The following ABTB3 variants were observed in gnomAD, a reference collection of about 807,000 sequenced individuals.
ABTB3 encodes ankyrin repeat- and BTB/POZ domain-containing protein 3.
At chr12:107,596,138 G>C in the ABTB3 span, among the ~76,000 whole-genome samples, 10,568 of 152,234 alleles carry the variant, frequency 0.069, 510 homozygotes, top group Middle Eastern at 0.11. Context: ...AATTAATGAA[G>C]ATTTCTTAAA....
chr12:107,356,034 A>G, the ABTB3 span, among the ~76,000 whole-genome samples: 7 of 152,236 alleles, frequency 4.6e-5, no homozygotes, highest in Admixed American at 2.6e-4. Flanking sequence ...AGAGGGTTTG[A>G]TGTGCTAGTT....
chr12:107,568,396 C>T, the ABTB3 span, among the ~76,000 whole-genome samples: 11 of 152,178 alleles, frequency 7.2e-5, no homozygotes, highest in Admixed American at 3.3e-4. Flanking sequence ...ATCCAGGTTG[C>T]GTAATATCTA....
chr12:107,378,852 T>C, the ABTB3 span, among the ~76,000 whole-genome samples: 1 of 152,088 alleles, frequency 6.6e-6, no homozygotes, highest in Admixed American at 6.6e-5. Context: ...AGCATTGGGG[T>C]TCCCTAAGAG....
the ABTB3 span, among the ~76,000 whole-genome samples, chr12:107,483,018 T>G: frequency 1.4e-5 from 2 of 147,750 alleles, no homozygotes; most frequent in Non-Finnish European, 3.0e-5. Flanking sequence ...CTTTCCTTCT[T>G]TCCTTCTTTC....
At chr12:107,340,705 T>C in the ABTB3 span, among the ~76,000 whole-genome samples, 1 of 151,160 alleles carries the variant, frequency 6.6e-6, no homozygotes, top group African/African-American at 2.4e-5. Context: ...TTAGAGAGAA[T>C]AAAAAAATAA....
the ABTB3 span, chr12:107,658,685 G>A: frequency 6.6e-5 from 10 of 152,538 alleles, no homozygotes; most frequent in Non-Finnish European, 1.2e-4. Context: ...TCTTTTCCTA[G>A]TTACGGATGA....
At chr12:107,591,708 C>T in the ABTB3 span, among the ~76,000 whole-genome samples, 1 of 152,198 alleles carries the variant, frequency 6.6e-6, no homozygotes, top group South Asian at 2.1e-4. Context: ...AACTGCAGCT[C>T]ATGCCCTCTC....
chr12:107,539,067 C>T, the ABTB3 span, among the ~76,000 whole-genome samples: 1 of 152,200 alleles, frequency 6.6e-6, no homozygotes, highest in Non-Finnish European at 1.5e-5. Context: ...GTTGCCTCCT[C>T]CCTCAATTTT....
the ABTB3 span, among the ~76,000 whole-genome samples, chr12:107,542,553 G>A: frequency 6.6e-6 from 1 of 152,140 alleles, no homozygotes; most frequent in East Asian, 1.9e-4. Flanking sequence ...GGAAAACGGG[G>A]CCAGAATTCA....
chr12:107,567,502 A>G, the ABTB3 span, among the ~76,000 whole-genome samples: 1 of 152,248 alleles, frequency 6.6e-6, no homozygotes, highest in South Asian at 2.1e-4. Flanking sequence ...TGCCTATAGT[A>G]TTCAGTACAG....
chr12:107,468,580 A>G, the ABTB3 span, among the ~76,000 whole-genome samples: 1 of 152,118 alleles, frequency 6.6e-6, no homozygotes, highest in African/African-American at 2.4e-5. Context: ...ACCATCTATA[A>G]AGACGGGCTG....
chr12:107,501,016 T>C, the ABTB3 span, among the ~76,000 whole-genome samples: 1 of 152,184 alleles, frequency 6.6e-6, no homozygotes, highest in Admixed American at 6.5e-5. Context: ...TATTGCCGGC[T>C]CTGTGACCTT....
chr12:107,495,361 A>T, the ABTB3 span, among the ~76,000 whole-genome samples: 3 of 152,330 alleles, frequency 2.0e-5, no homozygotes, highest in South Asian at 2.1e-4. Context: ...GGCAGGCAGC[A>T]GTGGGGCTTG....
the ABTB3 span, among the ~76,000 whole-genome samples, chr12:107,344,996 G>A: frequency 2.0e-5 from 3 of 152,186 alleles, no homozygotes; most frequent in African/African-American, 7.2e-5. Context: ...GCCAGACCTT[G>A]TTTATTTCCA....
chr12:107,469,550 G>A, the ABTB3 span, among the ~76,000 whole-genome samples: 3 of 152,172 alleles, frequency 2.0e-5, no homozygotes, highest in Admixed American at 6.5e-5. Context: ...CGTCATGTAC[G>A]GGGGTGGAGA....
the ABTB3 span, among the ~76,000 whole-genome samples, chr12:107,460,886 A>G: frequency 3.9e-5 from 6 of 152,150 alleles, no homozygotes; most frequent in African/African-American, 1.4e-4. Flanking sequence ...ACCTCAGAAT[A>G]TGATTTTATT....
the ABTB3 span, among the ~76,000 whole-genome samples, chr12:107,429,757 G>A: frequency 6.6e-6 from 1 of 152,294 alleles, no homozygotes; most frequent in East Asian, 1.9e-4. Context: ...CCATAATACA[G>A]AAAAAACAAT....
chr12:107,556,244 A>C, the ABTB3 span, among the ~76,000 whole-genome samples: 75 of 151,974 alleles, frequency 4.9e-4, no homozygotes, highest in African/African-American at 1.8e-3. Flanking sequence ...ACAGGCATGC[A>C]CCACCACACC....
At chr12:107,528,696 G>A in the ABTB3 span, among the ~76,000 whole-genome samples, 8 of 152,192 alleles carry the variant, frequency 5.3e-5, no homozygotes, top group Admixed American at 1.3e-4. Context: ...ATCTCCCATG[G>A]CTAGCCCTCC....
Sources: gnomAD v4.1 joint callset for allele counts (sites outside exome capture counted in the v4.1 genomes callset) on GRCh38, gnomAD v4.1.1 for gene constraint, MANE v1.5 for transcripts, NCBI Gene and HGNC (gene_info 2026-07-23, HGNC 2026-07-21) for gene names.